AGBL4: variants seen among roughly 807,000 people sequenced by gnomAD.
The protein encoded by AGBL4 is AGBL carboxypeptidase 4.
AGBL4 carries 58 observed loss-of-function variants against 66.4 expected under a neutral mutation model. The observed-to-expected ratio is 0.87, with a 90% CI of 0.71 to 1.09. The LOEUF is 1.09. Among genes scored for constraint, AGBL4 ranks in the 50% least tolerant of loss-of-function variants. AGBL4 has a pLI of 0.00. For missense variants in AGBL4, 579 were observed against 631.0 expected (o/e 0.92, Z 0.88); for synonymous variants, 234 against 222.9 (o/e 1.05, Z -0.44).
At chr1:48,795,785 T>C (rs892967938) in intron 6 of AGBL4, among the ~76,000 whole-genome samples, 1 of 152,218 alleles carries the variant, frequency 6.6e-6, no homozygotes, top group Non-Finnish European at 1.5e-5. Context: ...CCCAAGTAGC[T>C]GGGATTATAG....
At chr1:48,653,601 C>T (rs557394355) in intron 7 of AGBL4, 150 bp from the exon 8 acceptor site, 38 of 611,390 alleles carry the variant, frequency 6.2e-5, no homozygotes, top group Non-Finnish European at 1.1e-4. Flanking sequence ...ATAGACTACG[C>T]GTTATCTGTA....
At chr1:48,812,437 C>T (rs1350882339) in intron 6 of AGBL4, among the ~76,000 whole-genome samples, 3 of 152,144 alleles carry the variant, frequency 2.0e-5, no homozygotes, top group South Asian at 2.1e-4. Context: ...GACAACACTG[C>T]GCTGGCCTAG....
chr1:48,548,203 A>G (rs1644194975), intron 11 of AGBL4, among the ~76,000 whole-genome samples: 1 of 151,704 alleles, frequency 6.6e-6, no homozygotes, highest in African/African-American at 2.4e-5. Context: ...GCTATGGAGT[A>G]AAGATAAAGA....
chr1:49,023,753 C>T (rs1334043970), intron 5 of AGBL4, among the ~76,000 whole-genome samples: 2 of 152,114 alleles, frequency 1.3e-5, no homozygotes, highest in African/African-American at 4.8e-5. Context: ...TTCATAGCCA[C>T]CAATATTATA....
chr1:49,487,137 GTAT>G (rs1647085027), intron 3 of AGBL4, among the ~76,000 whole-genome samples: 1 of 151,908 alleles, frequency 6.6e-6, no homozygotes, highest in Non-Finnish European at 1.5e-5. Context: ...GGAAATGTTA[GTAT>G]TATTATGCTA....
intron 3 of AGBL4, among the ~76,000 whole-genome samples, chr1:49,282,226 C>CTTTTT (rs924413478): frequency 6.6e-6 from 1 of 152,082 alleles, no homozygotes; most frequent in Non-Finnish European, 1.5e-5. Context: ...GGAAAACCTA[C>CTTTTT]TTTTTTTGTA....
intron 3 of AGBL4, among the ~76,000 whole-genome samples, chr1:49,544,466 G>A (rs963796636): frequency 5.3e-5 from 8 of 152,012 alleles, no homozygotes; most frequent in South Asian, 4.1e-4. Context: ...CATAAATACC[G>A]TGCTCTTCCT....
intron 2 of AGBL4, among the ~76,000 whole-genome samples, chr1:49,747,610 T>C (rs1651087408): frequency 6.6e-6 from 1 of 152,180 alleles, no homozygotes; most frequent in African/African-American, 2.4e-5. Flanking sequence ...CTAATATTTG[T>C]CAACTAATCA....
intron 1 of AGBL4, among the ~76,000 whole-genome samples, chr1:49,920,414 T>C (rs1457336550): frequency 6.6e-6 from 1 of 151,960 alleles, no homozygotes; most frequent in East Asian, 1.9e-4. Context: ...AACAACCCCA[T>C]CAAAAAGTGG....
At chr1:49,362,511 A>G (rs1018557464) in intron 3 of AGBL4, among the ~76,000 whole-genome samples, 9 of 150,778 alleles carry the variant, frequency 6.0e-5, no homozygotes, top group Non-Finnish European at 8.9e-5. Flanking sequence ...TGAGAGTCTG[A>G]GAAGGACTGA....
intron 9 of AGBL4, among the ~76,000 whole-genome samples, chr1:48,629,347 C>T (rs188445421): frequency 6.6e-6 from 1 of 152,272 alleles, no homozygotes; most frequent in Non-Finnish European, 1.5e-5. Flanking sequence ...GCCAAACTCC[C>T]ATGGACAGCG....
At chr1:49,280,151 C>A (rs546915187) in intron 3 of AGBL4, among the ~76,000 whole-genome samples, 1 of 152,034 alleles carries the variant, frequency 6.6e-6, no homozygotes, top group Non-Finnish European at 1.5e-5. Flanking sequence ...GGACTCAGCA[C>A]GCAGAAGGAC....
At chr1:49,334,819 G>C (rs1358334877) in intron 3 of AGBL4, among the ~76,000 whole-genome samples, 2 of 152,128 alleles carry the variant, frequency 1.3e-5, no homozygotes, top group African/African-American at 4.8e-5. Flanking sequence ...GACAAAGAGG[G>C]GTCCAGGGGA....
intron 1 of AGBL4, among the ~76,000 whole-genome samples, chr1:49,907,340 C>T (rs1452722400): frequency 6.6e-6 from 1 of 152,034 alleles, no homozygotes; most frequent in Non-Finnish European, 1.5e-5. Context: ...TATACCAGTC[C>T]TTATTCCAAA....
chr1:49,908,503 C>T (rs1049569264), intron 1 of AGBL4, among the ~76,000 whole-genome samples: 8 of 152,214 alleles, frequency 5.3e-5, no homozygotes, highest in Non-Finnish European at 1.0e-4. Flanking sequence ...TGATTGTGAG[C>T]TTCCTGAGTC....
At chr1:48,638,505 T>C (rs536556110) in intron 8 of AGBL4, among the ~76,000 whole-genome samples, 1 of 152,240 alleles carries the variant, frequency 6.6e-6, no homozygotes, top group Non-Finnish European at 1.5e-5. Flanking sequence ...GAACAAACTA[T>C]AGCCAGTGAT....
chr1:49,851,511 A>G lies in AGBL4; in HGVS notation c.42T>C (p.Asp14=). Reference sequence around the variant, plus strand: ...CTCCAATGGCATCATCATTTCCCATATCATTGCCTATTTAAAAAAATTGAA... The same window carrying G: ...CTCCAATGGCATCATCATTTCCCATGTCATTGCCTATTTAAAAAAATTGAA... ...GSQSAPEAGN[D]MGNDDAIGGN... Residue 14 remains aspartate (D), a synonymous_variant, in exon 2 of 14, where the codon GAT becomes GAC. Coordinates refer to ENST00000371839, the MANE Select transcript of AGBL4 (RefSeq NM_032785.4). 2 of 1,544,634 alleles carry G rather than the reference A, an allele frequency of 1.3e-6. No homozygotes were observed. Among genetic ancestry groups the G allele is most frequent in the Non-Finnish European group, 1.7e-6 (2 of 1,144,794 alleles).
intron 3 of AGBL4, among the ~76,000 whole-genome samples, chr1:49,520,236 G>T (rs1337154329): frequency 1.3e-5 from 2 of 151,734 alleles, no homozygotes; most frequent in African/African-American, 4.8e-5. Flanking sequence ...TTATCATTAG[G>T]CACTGAAGCT....
intron 2 of AGBL4, among the ~76,000 whole-genome samples, chr1:49,709,369 C>T (rs559872667): frequency 2.0e-5 from 3 of 152,318 alleles, no homozygotes; most frequent in Non-Finnish European, 4.4e-5. Context: ...AGGGAAAAAC[C>T]ACCTACACAA....
Sources: gnomAD v4.1 joint callset for allele counts (sites outside exome capture counted in the v4.1 genomes callset) on GRCh38, gnomAD v4.1.1 for gene constraint, MANE v1.5 for transcripts, NCBI Gene and HGNC (gene_info 2026-07-23, HGNC 2026-07-21) for gene names.